The following MRRF variants were observed in gnomAD, a reference collection of about 807,000 sequenced individuals.
MRRF encodes the protein mitochondrial ribosome recycling factor.
In MRRF, 18 loss-of-function variants were observed where a neutral mutation model predicts 25.1. The observed-to-expected ratio is 0.72, with a 90% CI of 0.50 to 1.06. The LOEUF (loss-of-function observed/expected upper bound fraction) is 1.06, where lower values mean the gene tolerates loss of function less well. Among genes scored for constraint, MRRF ranks in the 50% least tolerant of loss-of-function variants. The pLI is 0.00. For synonymous variants in MRRF, 113 were observed against 112.1 expected, an observed-to-expected ratio of 1.01 and a Z score of -0.05; for missense variants, 323 against 319.3, an observed-to-expected ratio of 1.01 and a Z score of -0.09.
At chr9:122,298,183 T>C (rs1304330687) in intron 5 of MRRF, among the ~76,000 whole-genome samples, 2 of 152,154 alleles carry the variant, frequency 1.3e-5, no homozygotes, top group African/African-American at 4.8e-5. Context: ...ACTTTCTGTT[T>C]TTGTTTTGTG....
At position 122,325,452 on chromosome 9, in the gene MRRF, G is replaced by C. The variant is rs559945913; in HGVS notation, c.*2835G>C. 6.6e-6 allele frequency: 1 copy of C among 152,336 alleles called. No individual in the cohort carries two copies. Among genetic ancestry groups the C allele is most frequent in the Non-Finnish European group, 1.5e-5 (1 of 68,030 alleles). The allele number at this position is 152,336 out of a possible 1,614,324, so 9.4% of individuals were successfully genotyped here. A position where few individuals can be genotyped will look rare whatever the true frequency, so the allele number is the denominator to read the frequency against. ...TTTGGATGTGCTGAGAATGAGTAAT[G>C]CTGGAGCAATTCATTCTCCATCTCT... On this transcript the variant is annotated 3_prime_UTR_variant, in exon 7 of 7. Transcript: ENST00000344641.
chr9:122,285,445 C>T, intron 4 of MRRF, 158 bp downstream of exon 4: 2 of 709,528 alleles, frequency 2.8e-6, no homozygotes, highest in South Asian at 2.9e-5. Flanking sequence ...TTCCTGTTGC[C>T]AGATTCCTTT....
Position 122,330,388 on chromosome 9 carries a change from C to G in MRRF, c.*7771C>G, listed in dbSNP as rs73557066. The G allele has an allele frequency of 0.029, 4,373 of 152,352 alleles. 196 individuals are homozygous for G. The highest frequency in any genetic ancestry group is 0.095 in the African/African-American group (3,933 of 41,542). The allele number at this position is 152,352 out of a possible 1,614,324, so 9.4% of individuals were successfully genotyped here. ...CCTCCGCGAGCTAGCTGCCCCTGAC[C>G]GAGGCTCACAGCTTGCCTAGGGGAG... On this transcript the variant is annotated 3_prime_UTR_variant, in exon 7 of 7. Coordinates refer to ENST00000344641, the MANE Select transcript of MRRF (RefSeq NM_138777.5). This position sits in a 1 kb window ranked among gnomAD's most constrained non-coding sequence, Gnocchi z 4.2.
chr9:122,276,344 G>A (rs559531689), intron 2 of MRRF, among the ~76,000 whole-genome samples: 1 of 152,324 alleles, frequency 6.6e-6, no homozygotes, highest in African/African-American at 2.4e-5. Flanking sequence ...AGGCTGGAGT[G>A]CAGTGGCACA....
chr9:122,285,924 C>T, intron 4 of MRRF: 1 of 1,300,690 alleles, frequency 7.7e-7, no homozygotes, highest in South Asian at 1.2e-5. Context: ...TTGCATGGAG[C>T]ACAGTGCTTC....
At position 122,271,019 on chromosome 9, in the gene MRRF, A is replaced by G. The variant is rs758298526; in HGVS notation, c.128A>G (p.Gln43Arg). The change falls in exon 2 of 7, where the codon CAA becomes CGA. Residue 43 changes from glutamine to arginine, a missense_variant. Transcript: ENST00000344641. ...TVHERQHGHRQYMAYSAVPVR... is the reference protein window; with the variant it reads ...TVHERQHGHRRYMAYSAVPVR... ...CATGAAAGACAACATGGCCATAGGC[A>G]ATACATGGCCTATTCAGCTGTACCA... The G allele has an allele frequency of 1.2e-6, 2 of 1,614,086 alleles. No individual in the cohort carries two copies. Among genetic ancestry groups the G allele is most frequent in the African/African-American group, 1.3e-5 (1 of 74,942 alleles).
intron 5 of MRRF, among the ~76,000 whole-genome samples, chr9:122,299,166 G>A (rs986049386): frequency 1.3e-5 from 2 of 151,616 alleles, no homozygotes; most frequent in Admixed American, 1.3e-4. Flanking sequence ...TGACGTGGGT[G>A]GATCACTTGA....
chr9:122,297,433 A>G (rs559187998), intron 5 of MRRF, among the ~76,000 whole-genome samples: 1 of 152,110 alleles, frequency 6.6e-6, no homozygotes, highest in South Asian at 2.1e-4. Flanking sequence ...TTTTTCTTGT[A>G]ATGATATGGG....
At chr9:122,303,846 A>G (rs1215424930) in intron 5 of MRRF, among the ~76,000 whole-genome samples, 4 of 152,126 alleles carry the variant, frequency 2.6e-5, no homozygotes, top group African/African-American at 7.2e-5. Flanking sequence ...ATGTAATCAC[A>G]TTTGCTCCTT....
intron 2 of MRRF, among the ~76,000 whole-genome samples, chr9:122,271,300 G>C (rs1216135761): frequency 6.6e-6 from 1 of 152,140 alleles, no homozygotes; most frequent in African/African-American, 2.4e-5. Context: ...TTGTTTTCTT[G>C]GTAGCTCAGA....
chr9:122,291,718 A>G lies in MRRF; in HGVS notation c.460-31A>G, dbSNP rs781137968. On this transcript the variant is annotated intron_variant, in intron 4 of 6. Coordinates refer to ENST00000344641, the MANE Select transcript of MRRF (RefSeq NM_138777.5). ...TTGCATCTGGTAATAATTATTTACT[A>G]ATTCTGTTTACCTTTTGATCTGGTT... 9.5e-6 allele frequency: 14 copies of G among 1,467,222 alleles called. No individual in the cohort carries two copies. In the East Asian group the frequency reaches 3.2e-4, roughly 33 times the overall value. 90.9% of individuals were successfully genotyped at this position (1,467,222 alleles called of 1,614,324 possible). A position where few individuals can be genotyped will look rare whatever the true frequency, so the allele number is the denominator to read the frequency against.
Position 122,328,232 on chromosome 9 carries a change from C to T in MRRF, c.*5615C>T, listed in dbSNP as rs910739624. The T allele has an allele frequency of 4.6e-5, 7 of 152,190 alleles. No individual in the cohort carries two copies. The highest frequency in any genetic ancestry group is 1.0e-4 in the Non-Finnish European group (7 of 68,078). 9.4% of individuals were successfully genotyped at this position (152,190 alleles called of 1,614,324 possible). A position where few individuals can be genotyped will look rare whatever the true frequency, so the allele number is the denominator to read the frequency against. On this transcript the variant is annotated 3_prime_UTR_variant, in exon 7 of 7. Transcript: ENST00000344641. ...CAGGTGATTCTCCTACCTTGGCCTCCCAAAGTGCTGGGATTACAGGCTTGA... is the reference window on the plus strand; with the variant it reads ...CAGGTGATTCTCCTACCTTGGCCTCTCAAAGTGCTGGGATTACAGGCTTGA...
chr9:122,302,951 A>G (rs531766303), intron 5 of MRRF, among the ~76,000 whole-genome samples: 72 of 152,264 alleles, frequency 4.7e-4, no homozygotes, highest in African/African-American at 1.7e-3. Flanking sequence ...CTGATGACTG[A>G]TGGTGCTAAG....
chr9:122,286,796 T>C (rs756532602), intron 4 of MRRF, among the ~76,000 whole-genome samples: 7 of 152,236 alleles, frequency 4.6e-5, no homozygotes, highest in Non-Finnish European at 1.0e-4. Context: ...TGGTGGCTTC[T>C]AGCAATCTTT....
At position 122,285,281 on chromosome 9, in the gene MRRF, C is replaced by T. The variant is rs774785671; in HGVS notation, c.453C>T (p.Phe151=). Residue 151 remains phenylalanine (F), a synonymous_variant, in exon 4 of 7, where the codon TTC becomes TTT. Coordinates refer to ENST00000344641, the MANE Select transcript of MRRF (RefSeq NM_138777.5). ...PQLILVNMAS[F]PECTAAAIKA... The stretch of plus-strand genomic sequence containing the variant: ...TGATTTTGGTGAATATGGCCAGCTT[C>T]CCAGAGGTAAGATGGCCTTGCTAAA... 1.9e-6 allele frequency: 3 copies of T among 1,595,702 alleles called. No homozygotes were observed. The South Asian group carries it at 3.3e-5, about 18-fold the overall frequency.
Position 122,276,085 on chromosome 9 carries a change from T to C in MRRF, c.185-4358T>C, listed in dbSNP as rs1378229884. Among the ~76,000 whole-genome samples the C allele has an allele frequency of 2.0e-5, 3 of 151,998 alleles. No individual in the cohort carries two copies. In the East Asian group the frequency reaches 5.8e-4, roughly 29 times the overall value. On this transcript the variant is annotated intron_variant, in intron 2 of 6. Transcript: ENST00000344641. ...ACCACGCCCAGCTAATTTTTGTATTTTTTTTTTTAGTAGAGATGGGATTTC... is the reference window on the plus strand; with the variant it reads ...ACCACGCCCAGCTAATTTTTGTATTCTTTTTTTTAGTAGAGATGGGATTTC...
intron 5 of MRRF, among the ~76,000 whole-genome samples, chr9:122,300,163 T>G (rs547060295): frequency 2.0e-5 from 3 of 152,216 alleles, no homozygotes; most frequent in African/African-American, 7.2e-5. Flanking sequence ...CAGCCCCATT[T>G]GGGCATAAGA....
intron 6 of MRRF, among the ~76,000 whole-genome samples, chr9:122,321,874 G>A (rs1289845483): frequency 6.6e-6 from 1 of 151,986 alleles, no homozygotes; most frequent in Non-Finnish European, 1.5e-5. Flanking sequence ...GATAAGACTA[G>A]CTTCTCTATA....
intron 3 of MRRF, among the ~76,000 whole-genome samples, chr9:122,282,004 A>G (rs1339303907): frequency 6.6e-6 from 1 of 152,220 alleles, no homozygotes; most frequent in African/African-American, 2.4e-5. Context: ...ATGGCAAATC[A>G]GGAAGACTGA....
Sources: gnomAD v4.1 joint callset for allele counts (sites outside exome capture counted in the v4.1 genomes callset) on GRCh38, gnomAD v4.1.1 for gene constraint, Gnocchi (gnomAD v3.1) non-coding constraint, MANE v1.5 for transcripts, NCBI Gene and HGNC (gene_info 2026-07-23, HGNC 2026-07-21) for gene names.